TNNI3K: variants seen among roughly 807,000 people sequenced by gnomAD.
TNNI3K encodes serine/threonine-protein kinase TNNI3K.
Under a neutral mutation model 114.5 loss-of-function variants are expected in TNNI3K, and 140 were observed. The observed-to-expected ratio is 1.22, with a 90% confidence interval of 1.07 to 1.41. TNNI3K has a LOEUF of 1.41. TNNI3K is among the 40% of genes most tolerant of loss of function. The probability of loss-of-function intolerance (pLI) is 0.00; values close to 1 mark genes in which losing one functional copy is unlikely to be tolerated. For synonymous variants in TNNI3K, 347 were observed against 347.5 expected (o/e 1.00, Z 0.02); for missense variants, 1,125 against 1,007.6 (o/e 1.12, Z -1.58).
At chr1:74,516,372 T>C (rs1646348060) in intron 23 of TNNI3K, among the ~76,000 whole-genome samples, 1 of 152,160 alleles carries the variant, frequency 6.6e-6, no homozygotes, top group African/African-American at 2.4e-5. Flanking sequence ...AAATAAGACA[T>C]GGTTTCTGAC....
chr1:74,309,366 C>CAAAAAAAAAAA (rs71078188), intron 5 of TNNI3K, among the ~76,000 whole-genome samples: 484 of 24,054 alleles, frequency 0.02, 72 homozygotes, highest in Non-Finnish European at 0.022. Context: ...GACTCTGTCT[C>CAAAAAAAAAAA]AAAAAAAAAA....
chr1:74,280,196 C>T (rs550459247), intron 5 of TNNI3K, among the ~76,000 whole-genome samples: 2 of 152,236 alleles, frequency 1.3e-5, no homozygotes, highest in East Asian at 3.9e-4. Context: ...TCCTGGCTAA[C>T]ACGGTGAAAC....
At chr1:74,509,299 A>G (rs1340054088) in intron 23 of TNNI3K, among the ~76,000 whole-genome samples, 1 of 152,218 alleles carries the variant, frequency 6.6e-6, no homozygotes, top group East Asian at 1.9e-4. Flanking sequence ...GCTATTTATG[A>G]CAATGACAGA....
intron 17 of TNNI3K, among the ~76,000 whole-genome samples, chr1:74,422,388 G>T (rs1420069126): frequency 6.6e-6 from 1 of 151,846 alleles, no homozygotes; most frequent in Non-Finnish European, 1.5e-5. Flanking sequence ...TTATGCTAGA[G>T]GATTTTTTCC....
chr1:74,504,802 T>A (rs1289320878), intron 23 of TNNI3K, among the ~76,000 whole-genome samples: 2 of 152,116 alleles, frequency 1.3e-5, no homozygotes, highest in Non-Finnish European at 2.9e-5. Context: ...TTCTTTTCTA[T>A]CCGTCAGCAG....
intron 4 of TNNI3K, among the ~76,000 whole-genome samples, chr1:74,258,831 C>T (rs978474391): frequency 5.9e-5 from 9 of 152,160 alleles, no homozygotes; most frequent in East Asian, 1.9e-4. Flanking sequence ...TAGTAACATA[C>T]GTTTAAAATG....
intron 11 of TNNI3K, among the ~76,000 whole-genome samples, chr1:74,365,414 G>A (rs894797146): frequency 1.3e-5 from 2 of 151,954 alleles, no homozygotes; most frequent in African/African-American, 4.8e-5. Context: ...ACAACACTCA[G>A]CCCCTACTAC....
At chr1:74,473,848 A>G (rs532226298) in intron 21 of TNNI3K, among the ~76,000 whole-genome samples, 2 of 152,302 alleles carry the variant, frequency 1.3e-5, no homozygotes, top group African/African-American at 4.8e-5. Flanking sequence ...CTGTGACTCA[A>G]AGATAAACAT....
intron 23 of TNNI3K, among the ~76,000 whole-genome samples, chr1:74,495,684 G>C (rs1415768530): frequency 6.6e-6 from 1 of 152,158 alleles, no homozygotes; most frequent in Non-Finnish European, 1.5e-5. Context: ...ACTTTCCCAA[G>C]TTAATGGAGA....
chr1:74,250,618 C>G (rs1236144975), intron 3 of TNNI3K, 54 bp from the exon 4 acceptor site: 1 of 1,545,252 alleles, frequency 6.5e-7, no homozygotes. Context: ...AAAAGAGTCT[C>G]AAACTCACCC....
chr1:74,387,033 G>A (rs1570557059), intron 17 of TNNI3K, among the ~76,000 whole-genome samples: 1 of 152,132 alleles, frequency 6.6e-6, no homozygotes, highest in Non-Finnish European at 1.5e-5. Context: ...AGGCTACACA[G>A]TATATATTAT....
intron 17 of TNNI3K, among the ~76,000 whole-genome samples, chr1:74,426,621 C>T (rs1222523010): frequency 1.3e-5 from 2 of 152,034 alleles, no homozygotes; most frequent in African/African-American, 4.8e-5. Context: ...TCTCTCCTCT[C>T]CCTGGCCTTG....
Position 74,369,051 on chromosome 1 carries a change from G to A in TNNI3K, c.1351G>A (p.Gly451Arg). Residue 451 changes from glycine (G) to arginine (R), a missense_variant, in exon 14 of 25, where the codon GGA (glycine) becomes AGA (arginine). By Grantham distance (125) the Gly-to-Arg change is moderately radical (BLOSUM62 -2). Coordinates refer to ENST00000326637, the MANE Select transcript of TNNI3K (RefSeq NM_015978.3). ...EKADILLLRA[G>R]LPSHFHLQLS... ...GGCAGATATTCTCCTCCTAAGAGCT[G>A]GATTGCCTTCACATTTCCATCTTCA... The A allele has an allele frequency of 2.5e-6, 4 of 1,609,244 alleles. No homozygotes were observed. The highest frequency in any genetic ancestry group is 3.4e-6 in the Non-Finnish European group (4 of 1,178,074).
chr1:74,242,010 T>C (rs112558167), intron 2 of TNNI3K, among the ~76,000 whole-genome samples: 3 of 151,948 alleles, frequency 2.0e-5, no homozygotes, highest in East Asian at 1.9e-4. Flanking sequence ...CCACCACACC[T>C]GGCTAATTTT....
At chr1:74,523,750 G>A (rs991076410) in intron 23 of TNNI3K, among the ~76,000 whole-genome samples, 8 of 152,166 alleles carry the variant, frequency 5.3e-5, no homozygotes, top group Non-Finnish European at 1.2e-4. Flanking sequence ...TGGTCTTGGG[G>A]AAACAGTGCC....
At chr1:74,414,550 A>T (rs1665030664) in intron 17 of TNNI3K, among the ~76,000 whole-genome samples, 1 of 152,198 alleles carries the variant, frequency 6.6e-6, no homozygotes, top group Non-Finnish European at 1.5e-5. Context: ...GTATATTAGC[A>T]TATATAAATT....
At chr1:74,532,462 CT>C (rs66772911) in intron 23 of TNNI3K, among the ~76,000 whole-genome samples, 76,183 of 151,222 alleles carry the variant, frequency 0.5, 20,138 homozygotes, top group East Asian at 0.73. Flanking sequence ...TTATTTTTTT[CT>C]TTTTTTTCTT....
chr1:74,472,322 A>T, intron 21 of TNNI3K: 1 of 596,692 alleles, frequency 1.7e-6, no homozygotes, highest in Non-Finnish European at 3.0e-6. Context: ...GCAGTTCTTC[A>T]CTATTTCCTA....
chr1:74,248,715 T>C (rs1654745110), intron 2 of TNNI3K, among the ~76,000 whole-genome samples: 1 of 152,126 alleles, frequency 6.6e-6, no homozygotes, highest in South Asian at 2.1e-4. Context: ...TCTCCTGTCC[T>C]CTTGTCTCTG....
Sources: gnomAD v4.1 joint callset for allele counts (sites outside exome capture counted in the v4.1 genomes callset) on GRCh38, gnomAD v4.1.1 for gene constraint, MANE v1.5 for transcripts, NCBI Gene and HGNC (gene_info 2026-07-23, HGNC 2026-07-21) for gene names.